The following FAT3 variants were observed in gnomAD, a reference collection of about 807,000 sequenced individuals.
The protein encoded by FAT3 is FAT atypical cadherin 3, also known as protocadherin Fat 3.
FAT3 carries 95 observed loss-of-function variants against 310.2 expected under a neutral mutation model. That is an observed-to-expected ratio of 0.31 (90% CI 0.26 to 0.36). The LOEUF (loss-of-function observed/expected upper bound fraction) is 0.36, where lower values mean the gene tolerates loss of function less well. FAT3 is among the 10% of genes least tolerant of loss of function. The probability of loss-of-function intolerance (pLI) is 1.00; values close to 1 mark genes in which losing one functional copy is unlikely to be tolerated. For synonymous variants in FAT3, 2,314 were observed against 2,192.9 expected (o/e 1.06, Z -1.54); for missense variants, 5,408 against 5,715.6 (o/e 0.95, Z 1.74).
At chr11:92,882,595 C>CG in intron 23 of FAT3, 143 bp from the exon 24 acceptor site, 1 of 580,766 alleles carries the variant, frequency 1.7e-6, no homozygotes, top group Non-Finnish European at 2.7e-6. Context: ...TCCCCCCCCC[C>CG]ACCAACCATC....
intron 3 of FAT3, among the ~76,000 whole-genome samples, chr11:92,605,893 T>G (rs1434966102): frequency 6.6e-6 from 1 of 152,062 alleles, no homozygotes; most frequent in East Asian, 1.9e-4. Context: ...TTTGCCAGAT[T>G]GCTTGCAAGC....
At chr11:92,260,215 G>C (rs1283330434) in intron 1 of FAT3, among the ~76,000 whole-genome samples, 1 of 152,026 alleles carries the variant, frequency 6.6e-6, no homozygotes, top group Non-Finnish European at 1.5e-5. Flanking sequence ...AAATATTCCA[G>C]ATTTAGCAGC....
At chr11:92,457,146 G>A (rs1017998852) in intron 2 of FAT3, among the ~76,000 whole-genome samples, 1 of 152,164 alleles carries the variant, frequency 6.6e-6, no homozygotes, top group Non-Finnish European at 1.5e-5. Flanking sequence ...CAGTTAGCAG[G>A]AGAGGCCTTT....
chr11:92,270,860 T>C (rs1242280187), intron 1 of FAT3, among the ~76,000 whole-genome samples: 1 of 152,010 alleles, frequency 6.6e-6, no homozygotes, highest in African/African-American at 2.4e-5. Flanking sequence ...CCAATCTCCA[T>C]AAATGGCACC....
At chr11:92,528,665 G>A (rs906735839) in intron 3 of FAT3, among the ~76,000 whole-genome samples, 3 of 152,136 alleles carry the variant, frequency 2.0e-5, no homozygotes, top group African/African-American at 4.8e-5. Flanking sequence ...GATTACAGGC[G>A]TGAGCCACCG....
At chr11:92,507,863 C>T (rs918173997) in intron 2 of FAT3, among the ~76,000 whole-genome samples, 15 of 148,904 alleles carry the variant, frequency 1.0e-4, no homozygotes, top group African/African-American at 3.1e-4. Context: ...TTTGCATGTG[C>T]GTGTATACCC....
chr11:92,879,063 A>AT lies in FAT3; in HGVS notation c.12128-1668_12128-1667insT, dbSNP rs200982724. Among the ~76,000 whole-genome samples, 1,275 of 152,274 alleles carry AT rather than the reference A, an allele frequency of 8.4e-3. 27 individuals carry two copies. Among genetic ancestry groups the AT allele is most frequent in the African/African-American group, 0.029 (1,211 of 41,554 alleles). Reference sequence around the variant, plus strand: ...AGATGTTAAAGAGAGGGGAAAAAAAAAACAAGTTACATACAAACTCCAAGA... The same window carrying AT: ...AGATGTTAAAGAGAGGGGAAAAAAAATAACAAGTTACATACAAACTCCAAGA... On this transcript the variant is annotated intron_variant, in intron 22 of 27. Transcript: ENST00000525166.
At chr11:92,507,644 A>T (rs1213563490) in intron 2 of FAT3, among the ~76,000 whole-genome samples, 1 of 151,320 alleles carries the variant, frequency 6.6e-6, no homozygotes, top group Non-Finnish European at 1.5e-5. Flanking sequence ...GAGATGTGGA[A>T]TATATACATA....
At chr11:92,697,687 C>T (rs1460447409) in intron 4 of FAT3, among the ~76,000 whole-genome samples, 2 of 152,136 alleles carry the variant, frequency 1.3e-5, no homozygotes, top group Non-Finnish European at 2.9e-5. Flanking sequence ...GGTGTATCAC[C>T]GTCTCTGCCT....
intron 1 of FAT3, among the ~76,000 whole-genome samples, chr11:92,338,758 G>A (rs1035178609): frequency 6.6e-6 from 1 of 152,158 alleles, no homozygotes; most frequent in African/African-American, 2.4e-5. Flanking sequence ...GGGAACAAAC[G>A]GGGATTCTAG....
At chr11:92,512,492 T>C (rs965887307) in intron 2 of FAT3, among the ~76,000 whole-genome samples, 2 of 148,210 alleles carry the variant, frequency 1.3e-5, no homozygotes, top group African/African-American at 4.9e-5. Flanking sequence ...AACTGCCCTG[T>C]TTTATATCTC....
chr11:92,684,743 C>T (rs1245663016), intron 3 of FAT3, among the ~76,000 whole-genome samples: 1 of 152,128 alleles, frequency 6.6e-6, no homozygotes, highest in African/African-American at 2.4e-5. Flanking sequence ...TCTCCCCACA[C>T]CCCCATACTA....
chr11:92,335,517 T>C (rs980810584), intron 1 of FAT3, among the ~76,000 whole-genome samples: 1 of 152,198 alleles, frequency 6.6e-6, no homozygotes, highest in Non-Finnish European at 1.5e-5. Flanking sequence ...GCTGTAAAGC[T>C]CAGGTGTTCT....
chr11:92,270,196 T>A (rs1946085660), intron 1 of FAT3, among the ~76,000 whole-genome samples: 1 of 152,154 alleles, frequency 6.6e-6, no homozygotes, highest in African/African-American at 2.4e-5. Flanking sequence ...TATTCTGGAC[T>A]TCAATTATAT....
At chr11:92,589,094 A>G (rs1939296867) in intron 3 of FAT3, among the ~76,000 whole-genome samples, 2 of 152,042 alleles carry the variant, frequency 1.3e-5, no homozygotes, top group South Asian at 4.1e-4. Context: ...ACTGGGTATT[A>G]TCTTTGTCTC....
rs561891892 is a variant in FAT3, at chr11:92,837,530, C to A, written c.10225-133C>A. 1.6e-5 allele frequency: 17 copies of A among 1,082,960 alleles called. No individual in the cohort carries two copies. The East Asian group carries it at 4.4e-4, about 28-fold the overall frequency. 67.1% of individuals were successfully genotyped at this position (1,082,960 alleles called of 1,614,324 possible). On this transcript the variant is annotated intron_variant, in intron 16 of 27. Coordinates refer to ENST00000525166, the MANE Select transcript of FAT3 (RefSeq NM_001367949.2). ...CAAATGTCAGTGGTGCCAAGAATCA[C>A]CCGGTCTGGAAAATCAAACTAAAGA...
intron 2 of FAT3, among the ~76,000 whole-genome samples, chr11:92,466,624 C>G (rs1486307322): frequency 9.9e-5 from 15 of 150,792 alleles, no homozygotes; most frequent in Non-Finnish European, 2.1e-4. Context: ...GGTACATGTA[C>G]ACAATGTGCA....
chr11:92,639,711 T>C (rs941322167), intron 3 of FAT3, among the ~76,000 whole-genome samples: 1 of 152,196 alleles, frequency 6.6e-6, no homozygotes, highest in African/African-American at 2.4e-5. Context: ...CTATTCATTG[T>C]ATTGTGATTT....
chr11:92,432,380 A>C (rs907535611), intron 2 of FAT3, among the ~76,000 whole-genome samples: 15 of 152,286 alleles, frequency 9.8e-5, no homozygotes, highest in African/African-American at 3.6e-4. Context: ...TATCAGCTTA[A>C]GGAGATTTTG....
Sources: gnomAD v4.1 joint callset for allele counts (sites outside exome capture counted in the v4.1 genomes callset) on GRCh38, gnomAD v4.1.1 for gene constraint, MANE v1.5 for transcripts, NCBI Gene and HGNC (gene_info 2026-07-23, HGNC 2026-07-21) for gene names.